Variants in PPP4R2 observed in about 807,000 individuals in gnomAD.
PPP4R2 encodes the protein protein phosphatase 4 regulatory subunit 2.
A neutral mutation model predicts 47.2 loss-of-function variants in PPP4R2; 13 were observed. The observed-to-expected ratio is 0.28, with a 90% CI of 0.18 to 0.44. The LOEUF (loss-of-function observed/expected upper bound fraction) is 0.44. Among genes scored for constraint, PPP4R2 ranks in the 20% least tolerant of loss-of-function variants. The pLI, the probability that PPP4R2 is intolerant of heterozygous loss-of-function variation, is 1.00. For missense variants in PPP4R2, 421 were observed against 491.2 expected (o/e 0.86, Z 1.35); for synonymous variants, 151 against 163.3 (o/e 0.92, Z 0.57).
At chr3:73,001,801 G>A (rs1300246344) in intron 2 of PPP4R2, among the ~76,000 whole-genome samples, 1 of 151,980 alleles carries the variant, frequency 6.6e-6, no homozygotes, top group African/African-American at 2.4e-5. Flanking sequence ...ACTAATTATT[G>A]TGTTTTTAGT....
chr3:73,016,732 T>TC (rs1559551144), intron 2 of PPP4R2, among the ~76,000 whole-genome samples: 6,036 of 120,762 alleles, frequency 0.05, 1,135 homozygotes, highest in African/African-American at 0.087. Context: ...GTTCATTGTT[T>TC]ATTTTTATTA....
Position 73,064,049 on chromosome 3 carries a change from A to G in PPP4R2, c.541A>G (p.Lys181Glu), listed in dbSNP as rs745409443. The change falls in exon 7 of 9, where the codon AAG (lysine) becomes GAG (glutamate). Residue 181 changes from lysine (K) to glutamate (E), a missense_variant. Physicochemically the swap from Lys to Glu is moderately conservative, Grantham distance 56 (BLOSUM62 1). Coordinates refer to ENST00000356692, the MANE Select transcript of PPP4R2 (RefSeq NM_174907.4). ...PGTPRPLNRP[K>E]VSLSAPMTTN... ...GACACCCAGGCCACTTAATCGACCA[A>G]AGGTTTCTTTGTCAGCCCCCATGAC... 1.9e-6 allele frequency: 3 copies of G among 1,613,196 alleles called. No homozygotes were observed. Among genetic ancestry groups the G allele is most frequent in the Non-Finnish European group, 2.5e-6 (3 of 1,179,738 alleles).
At chr3:72,998,758 T>TA (rs1340389438) in intron 2 of PPP4R2, among the ~76,000 whole-genome samples, 1 of 152,214 alleles carries the variant, frequency 6.6e-6, no homozygotes, top group Non-Finnish European at 1.5e-5. Flanking sequence ...ATCTGAAACT[T>TA]ACGCTATAAA....
chr3:73,022,438 T>G (rs1292389784), intron 2 of PPP4R2, among the ~76,000 whole-genome samples: 3 of 152,146 alleles, frequency 2.0e-5, no homozygotes, highest in Non-Finnish European at 4.4e-5. Flanking sequence ...AGTTACAAGG[T>G]GAAAGTTACA....
At chr3:73,046,240 T>G (rs1458384040) in intron 2 of PPP4R2, among the ~76,000 whole-genome samples, 1 of 152,204 alleles carries the variant, frequency 6.6e-6, no homozygotes, top group Non-Finnish European at 1.5e-5. Context: ...CTTTTGACAA[T>G]AGCTTTGACC....
Position 73,017,664 on chromosome 3 carries a change from C to T in PPP4R2, c.116+19506C>T, listed in dbSNP as rs556874759. 5.9e-5 allele frequency among the ~76,000 whole-genome samples: 9 copies of T among 152,108 alleles called. No homozygotes were observed. The South Asian group carries it at 1.0e-3, about 18-fold the overall frequency. The stretch of plus-strand genomic sequence containing the variant: ...GCATCATATATATGCATTTTGGAAA[C>T]TCTTGACAAAGTTGGAAGAACTTTG... On this transcript the variant is annotated intron_variant, in intron 2 of 8. Transcript: ENST00000356692.
At chr3:73,049,506 AAG>A (rs1209967621) in intron 3 of PPP4R2, among the ~76,000 whole-genome samples, 2 of 152,296 alleles carry the variant, frequency 1.3e-5, no homozygotes, top group African/African-American at 4.8e-5. Context: ...CTCAAAAAAA[AAG>A]AGAATACTTC....
At chr3:73,027,165 G>T (rs1486084024) in intron 2 of PPP4R2, among the ~76,000 whole-genome samples, 2 of 152,108 alleles carry the variant, frequency 1.3e-5, no homozygotes, top group African/African-American at 4.8e-5. Context: ...GTCTTGCTCT[G>T]TCACCAGGTT....
rs1365753239 is a variant in PPP4R2 at position 73,029,195 on chromosome 3, C to A, written c.117-17991C>A. ...GATGCAAACAATCCTCCCACCTTGTCCTCCCAAAGTGTTGGGATTACAGGC... is the reference window on the plus strand; with the variant it reads ...GATGCAAACAATCCTCCCACCTTGTACTCCCAAAGTGTTGGGATTACAGGC... On this transcript the variant is annotated intron_variant, in intron 2 of 8. Transcript: ENST00000356692. Among the ~76,000 whole-genome samples, 4 of 152,196 alleles carry A rather than the reference C, an allele frequency of 2.6e-5. No individual in the cohort carries two copies. The South Asian group carries it at 6.2e-4, about 24-fold the overall frequency.
In PPP4R2 at chr3:73,065,608, A is replaced by G; in HGVS notation, c.1140A>G (p.Thr380=). The G allele has an allele frequency of 6.2e-7, 1 of 1,613,664 alleles. No homozygotes were observed. The highest frequency in any genetic ancestry group is 8.5e-7 in the Non-Finnish European group (1 of 1,179,606). The change falls in exon 9 of 9, where the codon ACA becomes ACG. Residue 380 remains threonine, a synonymous_variant. Coordinates refer to ENST00000356692, the MANE Select transcript of PPP4R2 (RefSeq NM_174907.4). ...GTAGTTCTTCTGACTGCCGTGAAAC[A>G]GAAGAATTAGTAGGATCCAATTCCA... The part of the protein sequence containing the change: ...VSSSSSDCRE[T]EELVGSNSSK...
intron 5 of PPP4R2, chr3:73,062,193 A>G (rs1407842740): frequency 2.5e-6 from 4 of 1,570,432 alleles, no homozygotes; most frequent in Non-Finnish European, 3.4e-6. Context: ...TAACAAAATT[A>G]AAGAATTAAG....
rs541202187 is a variant in PPP4R2, at chr3:73,009,888, C to G, written c.116+11730C>G. Among the ~76,000 whole-genome samples the G allele has an allele frequency of 9.9e-5, 15 of 152,276 alleles. No homozygotes were observed. In the East Asian group the frequency reaches 2.9e-3, roughly 29 times the overall value. On this transcript the variant is annotated intron_variant, in intron 2 of 8. Transcript: ENST00000356692. Reference sequence around the variant, plus strand: ...CTCTCTGATGTGTTCGTTTGCTTGTCTTCTCTCTGGTTTCACCCATGAGCA... The same window carrying G: ...CTCTCTGATGTGTTCGTTTGCTTGTGTTCTCTCTGGTTTCACCCATGAGCA...
intron 2 of PPP4R2, among the ~76,000 whole-genome samples, chr3:73,032,736 A>G (rs1251549777): frequency 1.3e-5 from 2 of 152,338 alleles, no homozygotes; most frequent in Non-Finnish European, 2.9e-5. Flanking sequence ...AAGCATGCAC[A>G]CAAACTTCCC....
intron 2 of PPP4R2, among the ~76,000 whole-genome samples, chr3:73,031,523 C>T (rs1400372884): frequency 6.6e-6 from 1 of 151,536 alleles, no homozygotes; most frequent in Non-Finnish European, 1.5e-5. Context: ...CCCTGGGCAA[C>T]AGAGTGAAAC....
Position 73,065,789 on chromosome 3 carries a change from T to C in PPP4R2, c.*67T>C. On this transcript the variant is annotated 3_prime_UTR_variant, in exon 9 of 9. Coordinates refer to ENST00000356692, the MANE Select transcript of PPP4R2 (RefSeq NM_174907.4). Reference sequence around the variant, plus strand: ...TGGTTTTAACACTGTATAAAACTTTTGTGTAATAAAATGGACCTTTAGTTT... The same window carrying C: ...TGGTTTTAACACTGTATAAAACTTTCGTGTAATAAAATGGACCTTTAGTTT... 3 of 1,108,844 alleles carry C rather than the reference T, an allele frequency of 2.7e-6. No individual in the cohort carries two copies. Among genetic ancestry groups the C allele is most frequent in the South Asian group, 1.7e-5 (1 of 57,930 alleles). The allele number at this position is 1,108,844 out of a possible 1,614,324, so 68.7% of individuals were successfully genotyped here. A position where few individuals can be genotyped will look rare whatever the true frequency, so the allele number is the denominator to read the frequency against.
chr3:73,013,293 A>T (rs1701760225), intron 2 of PPP4R2, among the ~76,000 whole-genome samples: 1 of 152,206 alleles, frequency 6.6e-6, no homozygotes, highest in Non-Finnish European at 1.5e-5. Context: ...TATGGAGAAT[A>T]TCTTGATATA....
intron 3 of PPP4R2, among the ~76,000 whole-genome samples, chr3:73,057,080 G>A (rs1171410673): frequency 6.6e-6 from 1 of 152,106 alleles, no homozygotes; most frequent in African/African-American, 2.4e-5. Flanking sequence ...GGTGTGTTGT[G>A]TGTGTAAGGT....
At chr3:73,029,667 G>A (rs966799941) in intron 2 of PPP4R2, among the ~76,000 whole-genome samples, 1 of 152,136 alleles carries the variant, frequency 6.6e-6, no homozygotes, top group African/African-American at 2.4e-5. Flanking sequence ...TGGATGATTG[G>A]GGATCAGGAG....
intron 2 of PPP4R2, among the ~76,000 whole-genome samples, chr3:73,031,418 C>T (rs1289128245): frequency 2.6e-4 from 39 of 151,970 alleles, no homozygotes; most frequent in Non-Finnish European, 2.4e-4. Context: ...TGGCATGCAC[C>T]TGTAATCCCA....
Sources: allele counts gnomAD v4.1 joint callset (sites outside exome capture counted in the v4.1 genomes callset), GRCh38; gene constraint gnomAD v4.1.1; transcripts MANE v1.5; gene names NCBI Gene and HGNC (gene_info 2026-07-23, HGNC 2026-07-21).